Variants in IQCK observed in about 807,000 individuals in gnomAD.
IQCK encodes the protein IQ motif containing K, also known as IQ domain-containing protein K.
Under a neutral mutation model 28.1 loss-of-function variants are expected in IQCK, and 29 were observed. That is an observed-to-expected ratio of 1.03 (90% CI 0.77 to 1.41). IQCK has a LOEUF of 1.41. Among genes scored for constraint, IQCK ranks in the 40% most tolerant of loss-of-function variants. The pLI is 0.00. For synonymous variants in IQCK, 113 were observed against 115.1 expected, an observed-to-expected ratio of 0.98 and a Z score of 0.12; for missense variants, 359 against 314.7, an observed-to-expected ratio of 1.14 and a Z score of -1.07.
chr16:19,741,958 A>G (rs1470661208), intron 4 of IQCK, among the ~76,000 whole-genome samples: 1 of 152,144 alleles, frequency 6.6e-6, no homozygotes, highest in African/African-American at 2.4e-5. Flanking sequence ...CTGCAGTCCA[A>G]CCTGGGTGAC....
chr16:19,814,045 C>T (rs1171475261), intron 7 of IQCK, among the ~76,000 whole-genome samples: 3 of 151,938 alleles, frequency 2.0e-5, no homozygotes, highest in Non-Finnish European at 1.5e-5. Flanking sequence ...TGGTGAAACC[C>T]TGTCTCTACT....
At chr16:19,764,059 G>A (rs1597534468) in exon 6 of IQCK, 5 of 1,614,072 alleles carry the variant, frequency 3.1e-6, no homozygotes, top group Non-Finnish European at 4.2e-6. Flanking sequence ...GGGCAGGGGA[G>A]CCATTCACAG....
At chr16:19,847,738 T>A (rs1288937174) in intron 9 of IQCK, among the ~76,000 whole-genome samples, 1 of 152,258 alleles carries the variant, frequency 6.6e-6, no homozygotes, top group Non-Finnish European at 1.5e-5. Context: ...TCCAGTCACT[T>A]TTTAATGGAT....
At chr16:19,821,465 C>T (rs543759650) in intron 7 of IQCK, among the ~76,000 whole-genome samples, 1 of 152,138 alleles carries the variant, frequency 6.6e-6, no homozygotes, top group African/African-American at 2.4e-5. Context: ...TCTGGGAGAC[C>T]GAGGCGGGTG....
intron 7 of IQCK, among the ~76,000 whole-genome samples, chr16:19,808,939 C>T (rs1400982710): frequency 1.3e-5 from 2 of 152,224 alleles, no homozygotes; most frequent in African/African-American, 4.8e-5. Context: ...CTCTCTGCAA[C>T]CTCTGCCTCC....
At chr16:19,719,095 A>G (rs1977381454) in intron 1 of IQCK, among the ~76,000 whole-genome samples, 1 of 152,136 alleles carries the variant, frequency 6.6e-6, no homozygotes, top group Non-Finnish European at 1.5e-5. Flanking sequence ...TATTTAACTT[A>G]TGACCCTGTC....
At chr16:19,856,656 A>T in exon 10 of IQCK, 1 of 839,984 alleles carries the variant, frequency 1.2e-6, no homozygotes, top group South Asian at 1.5e-5. Flanking sequence ...GACTTGGAAC[A>T]TGTGCAAATG....
intron 7 of IQCK, among the ~76,000 whole-genome samples, chr16:19,793,891 C>T (rs1240548037): frequency 7.1e-5 from 1 of 14,032 alleles, no homozygotes; most frequent in Non-Finnish European, 1.2e-4. Context: ...CAAACTCTTA[C>T]ATTTATGGTC....
intron 7 of IQCK, among the ~76,000 whole-genome samples, chr16:19,806,461 A>T (rs1172587844): frequency 2.6e-5 from 4 of 152,066 alleles, no homozygotes; most frequent in Admixed American, 2.6e-4. Flanking sequence ...TGAGGCGGGC[A>T]AATCACTTGA....
chr16:19,730,860 A>G (rs1977814908), intron 2 of IQCK, among the ~76,000 whole-genome samples: 1 of 152,062 alleles, frequency 6.6e-6, no homozygotes, highest in East Asian at 1.9e-4. Flanking sequence ...CTGCAACCTT[A>G]GTAGCTGGGA....
intron 4 of IQCK, among the ~76,000 whole-genome samples, chr16:19,745,710 A>G (rs1267372679): frequency 6.6e-6 from 1 of 152,194 alleles, no homozygotes; most frequent in Non-Finnish European, 1.5e-5. Flanking sequence ...ATTATTTTTC[A>G]TGACTCTGGG....
At chr16:19,831,190 C>T (rs2056228864), downstream of IQCK, among the ~76,000 whole-genome samples, 1 of 152,218 alleles carries the variant, frequency 6.6e-6, no homozygotes, top group Non-Finnish European at 1.5e-5. Flanking sequence ...AGGACAGATG[C>T]AGAGAGCTAA....
At chr16:19,739,903 A>C (rs571912792) in intron 4 of IQCK, among the ~76,000 whole-genome samples, 1 of 152,224 alleles carries the variant, frequency 6.6e-6, no homozygotes, top group African/African-American at 2.4e-5. Context: ...TCACCCTTAC[A>C]ATAACCTTCT....
At chr16:19,802,532 A>G (rs538003439) in intron 7 of IQCK, among the ~76,000 whole-genome samples, 1 of 119,320 alleles carries the variant, frequency 8.4e-6, no homozygotes, top group South Asian at 3.3e-4. Flanking sequence ...CCAAGGACAT[A>G]GTAAATCCAC....
intron 1 of IQCK, among the ~76,000 whole-genome samples, chr16:19,728,057 C>T (rs1977715441): frequency 6.6e-6 from 1 of 151,796 alleles, no homozygotes; most frequent in Non-Finnish European, 1.5e-5. Flanking sequence ...TGGGCCTGAC[C>T]TAATCTGGTG....
chr16:19,821,756 G>C lies in IQCK; in HGVS notation c.691-5270G>C, dbSNP rs113961778. On this transcript the variant is annotated intron_variant, in intron 7 of 7. Transcript: ENST00000564186. ...GTTCATAGCAACCCTGTTCCCAATAGCCAAAAGGTAGGAACAACTTAAATG... is the reference window on the plus strand; with the variant it reads ...GTTCATAGCAACCCTGTTCCCAATACCCAAAAGGTAGGAACAACTTAAATG... Among the ~76,000 whole-genome samples the C allele has an allele frequency of 8.3e-3, 1,257 of 152,084 alleles. 19 individuals carry two copies. Among genetic ancestry groups the C allele is most frequent in the African/African-American group, 0.029 (1,185 of 41,492 alleles).
intron 4 of IQCK, among the ~76,000 whole-genome samples, chr16:19,759,364 A>G (rs1299199906): frequency 1.3e-5 from 2 of 152,134 alleles, no homozygotes; most frequent in East Asian, 1.9e-4. Flanking sequence ...ACGTGCCACC[A>G]TGCCTGGCTT....
intron 4 of IQCK, among the ~76,000 whole-genome samples, chr16:19,763,072 A>G (rs2055173275): frequency 2.0e-5 from 3 of 152,004 alleles, no homozygotes; most frequent in South Asian, 2.1e-4. Flanking sequence ...CTTAACTACT[A>G]ATAGCCTACT....
At chr16:19,835,587 C>CT (rs372317479) in intron 9 of IQCK, among the ~76,000 whole-genome samples, 16,731 of 138,788 alleles carry the variant, frequency 0.12, 1,222 homozygotes, top group East Asian at 0.26. Flanking sequence ...CTTTTCTTTT[C>CT]TTTTTTTTTT....
Sources: gnomAD v4.1 joint callset for allele counts (sites outside exome capture counted in the v4.1 genomes callset) on GRCh38, gnomAD v4.1.1 for gene constraint, MANE v1.5 for transcripts, NCBI Gene and HGNC (gene_info 2026-07-23, HGNC 2026-07-21) for gene names.